The following PCDHGB7 variants were observed in gnomAD, a reference collection of about 807,000 sequenced individuals.
PCDHGB7 encodes the protein protocadherin gamma-B7.
In PCDHGB7, 37 loss-of-function variants were observed where a neutral mutation model predicts 61.4. That is an observed-to-expected ratio of 0.60 (90% CI 0.46 to 0.79). PCDHGB7 has a LOEUF of 0.79. PCDHGB7 is among the 30% of genes least tolerant of loss of function. The pLI is 0.00. For synonymous variants in PCDHGB7, 464 were observed against 503.5 expected (o/e 0.92, Z 1.05); for missense variants, 1,166 against 1,202.5 (o/e 0.97, Z 0.45).
Position 141,477,426 on chromosome 5 carries a change from T to G in PCDHGB7, c.2416-17381T>G. 1 of 1,614,100 alleles carries G rather than the reference T, an allele frequency of 6.2e-7. No individual in the cohort carries two copies. Among genetic ancestry groups the G allele is most frequent in the East Asian group, 2.2e-5 (1 of 44,874 alleles). The stretch of plus-strand genomic sequence containing the variant: ...GCCCGAGACGCCGGAACCCCTTCCC[T>G]CTCAGCCCTTACAATAGTGCGTGTT... On this transcript the variant is annotated intron_variant, in intron 1 of 3. Coordinates refer to ENST00000398594, the MANE Select transcript of PCDHGB7 (RefSeq NM_018927.4). The surrounding 1 kb of genome is among the most constrained non-coding windows in gnomAD (Gnocchi z 4.9).
In PCDHGB7 at chr5:141,423,579, G is replaced by A. The variant is rs760902886; in HGVS notation, c.2415+3305G>A. 6 of 1,613,378 alleles carry A rather than the reference G, an allele frequency of 3.7e-6. No homozygotes were observed. In the East Asian group the frequency reaches 1.3e-4, roughly 36 times the overall value. ...ATGGGGACACGCTCATCAGCCAGGA[G>A]AGCTGTGAGAAAAGCGAGCCACTCT... On this transcript the variant is annotated intron_variant, in intron 1 of 3. Transcript: ENST00000398594.
At position 141,486,616 on chromosome 5, in the gene PCDHGB7, C is replaced by T. The variant is rs759167270; in HGVS notation, c.2416-8191C>T. On this transcript the variant is annotated intron_variant, in intron 1 of 3. Coordinates refer to ENST00000398594, the MANE Select transcript of PCDHGB7 (RefSeq NM_018927.4). The surrounding 1 kb of genome is among the most constrained non-coding windows in gnomAD (Gnocchi z 5.0). ...TGCTTTGCTCCCTTGCAGCCTCTGA[C>T]CCAGACTCTGGCTTGAATGCGCTTA... is the stretch of plus-strand genomic sequence containing the variant. 2 of 1,613,500 alleles carry T rather than the reference C, an allele frequency of 1.2e-6. No individual in the cohort carries two copies. The highest frequency in any genetic ancestry group is 3.3e-5 in the Admixed American group (2 of 60,004).
At chr5:141,420,359 A>G in intron 1 of PCDHGB7, 85 bp downstream of exon 1, 1 of 1,378,858 alleles carries the variant, frequency 7.3e-7, no homozygotes, top group Non-Finnish European at 9.6e-7. Flanking sequence ...TTAAGATTCT[A>G]GATAACTTCT....
rs570809952 is a variant in PCDHGB7 at position 141,463,609 on chromosome 5, C to T, written c.2416-31198C>T. 4.6e-5 allele frequency among the ~76,000 whole-genome samples: 7 copies of T among 151,964 alleles called. No homozygotes were observed. In the East Asian group the frequency reaches 9.7e-4, roughly 21 times the overall value. The stretch of plus-strand genomic sequence containing the variant: ...GACTACAGGTGCCTGCCACCATGCC[C>T]GGCTAATTTTTTGTATTTTGTTTAG... On this transcript the variant is annotated intron_variant, in intron 1 of 3. Coordinates refer to ENST00000398594, the MANE Select transcript of PCDHGB7 (RefSeq NM_018927.4).
intron 1 of PCDHGB7, chr5:141,428,441 G>C: frequency 2.6e-6 from 1 of 389,280 alleles, no homozygotes; most frequent in Non-Finnish European, 4.9e-6. Context: ...ACTAGACCAG[G>C]GGTTTTTCCC....
At chr5:141,474,159 G>A (rs2154571930) in intron 1 of PCDHGB7, among the ~76,000 whole-genome samples, 1 of 152,226 alleles carries the variant, frequency 6.6e-6, no homozygotes, top group South Asian at 2.1e-4. Context: ...GAAAATGACA[G>A]GCCTTATTAT....
In PCDHGB7 at chr5:141,490,242, T is replaced by G. The variant is rs2099697678; in HGVS notation, c.2416-4565T>G. 6.2e-7 allele frequency: 1 copy of G among 1,614,194 alleles called. No individual in the cohort carries two copies. The highest frequency in any genetic ancestry group is 8.5e-7 in the Non-Finnish European group (1 of 1,180,028). ...GACAGCCTGCCATGGAGGGCCACTG[T>G]GTGATTCAAGTGGATGTGGGGGATG... On this transcript the variant is annotated intron_variant, in intron 1 of 3. Transcript: ENST00000398594. The surrounding 1 kb of genome is among the most constrained non-coding windows in gnomAD (Gnocchi z 5.4).
Position 141,504,006 on chromosome 5 carries a change from G to C in PCDHGB7, c.2475-1387G>C, listed in dbSNP as rs138738950. Among the ~76,000 whole-genome samples, 1,431 of 152,182 alleles carry C rather than the reference G, an allele frequency of 9.4e-3. 31 individuals are homozygous for C. The highest frequency in any genetic ancestry group is 0.033 in the African/African-American group (1,367 of 41,490). On this transcript the variant is annotated intron_variant, in intron 2 of 3. Coordinates refer to ENST00000398594, the MANE Select transcript of PCDHGB7 (RefSeq NM_018927.4). The stretch of plus-strand genomic sequence containing the variant: ...CTTCTTACCTTACAGTCACTTAACT[G>C]TCTCTGCTGGTCTCTTCCCACTCAT...
intron 1 of PCDHGB7, chr5:141,422,174 A>G (rs763681065): frequency 5.1e-6 from 8 of 1,564,176 alleles, no homozygotes; most frequent in African/African-American, 2.8e-5. Flanking sequence ...TATAGATTCT[A>G]TGAGATGGAA....
intron 1 of PCDHGB7, among the ~76,000 whole-genome samples, chr5:141,448,316 T>C (rs1042171540): frequency 6.6e-6 from 1 of 152,174 alleles, no homozygotes; most frequent in Non-Finnish European, 1.5e-5. Flanking sequence ...AGGAATCTTT[T>C]CTTTGAATCT....
chr5:141,485,786 C>A lies in PCDHGB7; in HGVS notation c.2416-9021C>A. On this transcript the variant is annotated intron_variant, in intron 1 of 3. Transcript: ENST00000398594. This position sits in a 1 kb window ranked among gnomAD's most constrained non-coding sequence, Gnocchi z 5.7. ...GGAGAAGCCTTTGGATCGAGAGAAG[C>A]AATCGGACTACCGCCTGGTGCTGAC... 1 of 1,614,208 alleles carries A rather than the reference C, an allele frequency of 6.2e-7. No individual in the cohort carries two copies. The highest frequency in any genetic ancestry group is 1.3e-5 in the African/African-American group (1 of 75,062).
chr5:141,482,740 G>A (rs1288861437), intron 1 of PCDHGB7, among the ~76,000 whole-genome samples: 1 of 127,398 alleles, frequency 7.8e-6, no homozygotes, highest in African/African-American at 3.6e-5. Context: ...GAAATTCCAT[G>A]CAGAGGGATT....
intron 3 of PCDHGB7, 146 bp from the exon 4 acceptor site, chr5:141,510,801 A>G: frequency 6.7e-7 from 1 of 1,489,832 alleles, no homozygotes; most frequent in Non-Finnish European, 9.1e-7. Flanking sequence ...AAGAGAGACT[A>G]CCTTGGTGAC....
chr5:141,446,423 T>C (rs745968692), intron 1 of PCDHGB7, among the ~76,000 whole-genome samples: 1 of 152,152 alleles, frequency 6.6e-6, no homozygotes, highest in Non-Finnish European at 1.5e-5. Context: ...CATGTTCATT[T>C]GAAGGATCTG....
intron 1 of PCDHGB7, among the ~76,000 whole-genome samples, chr5:141,480,753 G>A (rs1418880497): frequency 1.3e-5 from 2 of 152,144 alleles, no homozygotes; most frequent in Non-Finnish European, 2.9e-5. Flanking sequence ...ATCATTTTTT[G>A]AAGGTCCCCA....
chr5:141,432,707 G>T lies in PCDHGB7; in HGVS notation c.2415+12433G>T. The T allele has an allele frequency of 6.2e-7, 1 of 1,613,988 alleles. No homozygotes were observed. The highest frequency in any genetic ancestry group is 1.1e-5 in the South Asian group (1 of 91,080). ...CCTCGTAGTGGCCGTCCAGGACCAC[G>T]GCCAGCCCCCTCTCTCCGCCACTGT... On this transcript the variant is annotated intron_variant, in intron 1 of 3. Transcript: ENST00000398594. The surrounding 1 kb of genome is among the most constrained non-coding windows in gnomAD (Gnocchi z 6.0).
chr5:141,459,285 A>G (rs1316912878), intron 1 of PCDHGB7, among the ~76,000 whole-genome samples: 1 of 152,202 alleles, frequency 6.6e-6, no homozygotes, highest in Non-Finnish European at 1.5e-5. Context: ...TTTCATCTAA[A>G]TGGAATCCTA....
chr5:141,450,755 G>A (rs556795021), intron 1 of PCDHGB7, among the ~76,000 whole-genome samples: 8 of 152,040 alleles, frequency 5.3e-5, no homozygotes, highest in Admixed American at 1.3e-4. Context: ...CCAAAGTGCC[G>A]GGATTACAGG....
At position 141,511,319 on chromosome 5, in the gene PCDHGB7, C is replaced by T. The variant is rs2099883711; in HGVS notation, c.*146C>T. On this transcript the variant is annotated 3_prime_UTR_variant, in exon 4 of 4. Coordinates refer to ENST00000398594, the MANE Select transcript of PCDHGB7 (RefSeq NM_018927.4). ...CCATGCTCCCCTTGGGAAACAGAAA[C>T]AAGTGCCCAGTCAGCACCTACCCCT... 1.4e-6 allele frequency: 2 copies of T among 1,477,302 alleles called. No homozygotes were observed. The highest frequency in any genetic ancestry group is 1.4e-5 in the African/African-American group (1 of 70,920). 91.5% of individuals were successfully genotyped at this position (1,477,302 alleles called of 1,614,324 possible).
Sources: gnomAD v4.1 joint callset for allele counts (sites outside exome capture counted in the v4.1 genomes callset) on GRCh38, gnomAD v4.1.1 for gene constraint, Gnocchi (gnomAD v3.1) non-coding constraint, MANE v1.5 for transcripts, NCBI Gene and HGNC (gene_info 2026-07-23, HGNC 2026-07-21) for gene names.